Variants in DLG2 observed in about 807,000 individuals in gnomAD.
The protein encoded by DLG2 is discs large MAGUK scaffold protein 2.
A neutral mutation model predicts 132.5 loss-of-function variants in DLG2; 45 were observed. That is an observed-to-expected ratio of 0.34 (90% CI 0.27 to 0.44). DLG2 has a LOEUF of 0.44. DLG2 is among the 20% of genes least tolerant of loss of function. DLG2 has a pLI of 1.00. For missense variants in DLG2, 1,045 were observed against 1,196.9 expected (o/e 0.87, Z 1.87); for synonymous variants, 424 against 419.6 (o/e 1.01, Z -0.13).
chr11:84,314,759 GTAGT>G (rs1411489443), intron 7 of DLG2, among the ~76,000 whole-genome samples: 7 of 151,784 alleles, frequency 4.6e-5, no homozygotes, highest in South Asian at 2.1e-4. Flanking sequence ...ATATACATAA[GTAGT>G]TAGGTATAGT....
intron 7 of DLG2, among the ~76,000 whole-genome samples, chr11:84,426,474 C>T (rs1364534524): frequency 6.6e-6 from 1 of 152,080 alleles, no homozygotes; most frequent in Non-Finnish European, 1.5e-5. Flanking sequence ...ATTAATTGAC[C>T]TTTCTTTGCC....
intron 6 of DLG2, among the ~76,000 whole-genome samples, chr11:84,806,049 A>G (rs2075960962): frequency 1.3e-5 from 2 of 152,242 alleles, no homozygotes; most frequent in Non-Finnish European, 2.9e-5. Context: ...GAAATACCAT[A>G]CAAAACTCCA....
At chr11:85,355,160 A>C (rs1293126692) in intron 3 of DLG2, among the ~76,000 whole-genome samples, 1 of 152,194 alleles carries the variant, frequency 6.6e-6, no homozygotes, top group Non-Finnish European at 1.5e-5. Context: ...TCAGCACAAG[A>C]AGATGATCAA....
chr11:84,396,252 T>C (rs1027330537), intron 7 of DLG2, among the ~76,000 whole-genome samples: 1 of 152,216 alleles, frequency 6.6e-6, no homozygotes, highest in Non-Finnish European at 1.5e-5. Context: ...GAAGCTACTC[T>C]ATATATTCAA....
intron 3 of DLG2, among the ~76,000 whole-genome samples, chr11:85,532,129 G>T (rs1158437414): frequency 3.3e-5 from 5 of 152,068 alleles, no homozygotes; most frequent in Non-Finnish European, 4.4e-5. Context: ...GCTTTTCTAG[G>T]TTCTCACTTA....
At chr11:83,888,939 T>C (rs142152500) in intron 15 of DLG2, among the ~76,000 whole-genome samples, 9,621 of 152,224 alleles carry the variant, frequency 0.063, 391 homozygotes, top group East Asian at 0.17. Flanking sequence ...TCCTTACACC[T>C]TACACAAAAG....
intron 3 of DLG2, among the ~76,000 whole-genome samples, chr11:85,292,144 G>T (rs2078933653): frequency 6.6e-6 from 1 of 152,000 alleles, no homozygotes; most frequent in African/African-American, 2.4e-5. Context: ...TCCTTATCCT[G>T]TATCCATATC....
chr11:84,057,786 A>C (rs2096528537), intron 11 of DLG2, among the ~76,000 whole-genome samples: 1 of 152,170 alleles, frequency 6.6e-6, no homozygotes, highest in South Asian at 2.1e-4. Flanking sequence ...TCTAGGAGCA[A>C]GTACTATTCT....
intron 21 of DLG2, among the ~76,000 whole-genome samples, chr11:83,484,725 T>G (rs2093388461): frequency 6.6e-6 from 1 of 152,050 alleles, no homozygotes; most frequent in Non-Finnish European, 1.5e-5. Context: ...AGAAACTGGT[T>G]TTCTTCTTAG....
intron 15 of DLG2, among the ~76,000 whole-genome samples, chr11:83,890,794 C>T (rs2069568494): frequency 6.6e-6 from 1 of 152,030 alleles, no homozygotes; most frequent in South Asian, 2.1e-4. Flanking sequence ...TAAATGCTGA[C>T]CTGAACCTGA....
chr11:84,537,945 T>A (rs184590428), intron 6 of DLG2, among the ~76,000 whole-genome samples: 85 of 152,356 alleles, frequency 5.6e-4, no homozygotes, highest in African/African-American at 2.0e-3. Flanking sequence ...GACAATCACA[T>A]CATTTGCTTG....
At chr11:84,650,865 G>GTATATATATATATA (rs1416161421) in intron 6 of DLG2, among the ~76,000 whole-genome samples, 20 of 87,828 alleles carry the variant, frequency 2.3e-4, no homozygotes, top group Non-Finnish European at 3.5e-4. Context: ...GTGTGTGTGT[G>GTATATATATATATA]TGTGTGTGTA....
chr11:85,146,494 C>T (rs531215843), intron 5 of DLG2, among the ~76,000 whole-genome samples: 1 of 152,196 alleles, frequency 6.6e-6, no homozygotes, highest in South Asian at 2.1e-4. Context: ...GAGCAGGTTC[C>T]CTTCTAGCCA....
At chr11:84,365,458 A>G (rs1027495983) in intron 7 of DLG2, among the ~76,000 whole-genome samples, 2 of 151,406 alleles carry the variant, frequency 1.3e-5, no homozygotes, top group Non-Finnish European at 2.9e-5. Context: ...TTTTCAAAAA[A>G]CCAGCTCCTG....
intron 19 of DLG2, among the ~76,000 whole-genome samples, chr11:83,587,887 A>T (rs1472301514): frequency 6.6e-6 from 1 of 152,218 alleles, no homozygotes; most frequent in Non-Finnish European, 1.5e-5. Context: ...GACGGACGGC[A>T]CCTGGAAAAT....
intron 8 of DLG2, among the ~76,000 whole-genome samples, chr11:84,173,125 T>G (rs933070252): frequency 2.6e-5 from 4 of 152,194 alleles, no homozygotes; most frequent in Non-Finnish European, 5.9e-5. Context: ...GATTAAAGGC[T>G]TTTGTAACAA....
At chr11:83,483,316 G>A in intron 22 of DLG2, 1 of 1,609,402 alleles carries the variant, frequency 6.2e-7, no homozygotes, top group Non-Finnish European at 8.5e-7. Context: ...GAAGTCCCCA[G>A]AGAGAGCAAT....
intron 18 of DLG2, among the ~76,000 whole-genome samples, chr11:83,688,785 CTTCT>C (rs1366912603): frequency 6.6e-6 from 1 of 152,042 alleles, no homozygotes; most frequent in South Asian, 2.1e-4. Flanking sequence ...AAGAGTTTGC[CTTCT>C]TTGTTTATCT....
rs1290555786 is a variant in DLG2, at chr11:85,440,218, C to CCTT, written c.41-154856_41-154854dup. ...CATTTTTAAATGTCTGCTTTGTCTC[C>CCTT]CTTCTATGTATTCGCTGTATGACCT... On this transcript the variant is annotated intron_variant, in intron 3 of 27. Coordinates refer to ENST00000376104, the MANE Select transcript of DLG2 (RefSeq NM_001142699.3). Among the ~76,000 whole-genome samples, 16 of 152,182 alleles carry CCTT rather than the reference C, an allele frequency of 1.1e-4. 1 individual carries two copies. In the East Asian group the frequency reaches 3.1e-3, roughly 29 times the overall value.
Sources: gnomAD v4.1 joint callset for allele counts (sites outside exome capture counted in the v4.1 genomes callset) on GRCh38, gnomAD v4.1.1 for gene constraint, MANE v1.5 for transcripts, NCBI Gene and HGNC (gene_info 2026-07-23, HGNC 2026-07-21) for gene names.